Variants in ARHGAP6 observed in about 807,000 individuals in gnomAD.
The protein encoded by ARHGAP6 is rho GTPase-activating protein 6.
Under a neutral mutation model 55.7 loss-of-function variants are expected in ARHGAP6, and 16 were observed. The ratio of observed to expected loss-of-function variants is 0.29; its 90% CI spans 0.19 to 0.44. The LOEUF (loss-of-function observed/expected upper bound fraction) is 0.44. Among genes scored for constraint, ARHGAP6 ranks in the 20% least tolerant of loss-of-function variants. ARHGAP6 has a pLI of 1.00. For missense variants in ARHGAP6, 698 were observed against 808.9 expected, an observed-to-expected ratio of 0.86 and a Z score of 1.66; for synonymous variants, 382 against 360.9, an observed-to-expected ratio of 1.06 and a Z score of -0.66.
chrX:11,233,578 A>G lies in ARHGAP6; in HGVS notation c.748+20970T>C, dbSNP rs183946599. On this transcript the variant is annotated intron_variant, in intron 2 of 12. Transcript: ENST00000337414. The stretch of plus-strand genomic sequence containing the variant: ...GCTTGTTCATAGGAGTTGAGAGTGA[A>G]GAAAATTAATTCTTGTTGAACTGAT... Among the ~76,000 whole-genome samples the G allele has an allele frequency of 5.3e-5, 6 of 112,307 alleles. No homozygotes were observed. In the East Asian group the frequency reaches 1.7e-3, roughly 31 times the overall value.
intron 1 of ARHGAP6, chrX:11,296,806 T>C (rs1383332119): frequency 8.3e-7 from 1 of 1,211,265 alleles, no homozygotes; most frequent in East Asian, 3.0e-5. Flanking sequence ...GCACCCTGGT[T>C]ATATCAACTT....
intron 1 of ARHGAP6, among the ~76,000 whole-genome samples, chrX:11,323,405 C>A (rs1028797892): frequency 4.5e-5 from 5 of 111,817 alleles, no homozygotes; most frequent in Non-Finnish European, 9.4e-5. Flanking sequence ...TGAAAAGAGC[C>A]CCTGTCAGGG....
At chrX:11,570,651 C>T (rs1459510440) in intron 1 of ARHGAP6, among the ~76,000 whole-genome samples, 1 of 111,321 alleles carries the variant, frequency 9.0e-6, no homozygotes, top group Non-Finnish European at 1.9e-5. Context: ...TAGACTTGAT[C>T]CAGATCTGTT....
intron 1 of ARHGAP6, among the ~76,000 whole-genome samples, chrX:11,575,547 G>A (rs1265727214): frequency 1.8e-5 from 2 of 111,378 alleles, no homozygotes; most frequent in Non-Finnish European, 3.8e-5. Flanking sequence ...TCATGTGGCA[G>A]CAAAAAAACT....
At chrX:11,537,398 T>A (rs1391283707) in intron 1 of ARHGAP6, among the ~76,000 whole-genome samples, 1 of 111,959 alleles carries the variant, frequency 8.9e-6, no homozygotes, top group Non-Finnish European at 1.9e-5. Context: ...AGAATTACCC[T>A]GCCCAAAATG....
intron 1 of ARHGAP6, among the ~76,000 whole-genome samples, chrX:11,456,159 C>T (rs1387929438): frequency 9.0e-6 from 1 of 111,457 alleles, no homozygotes; most frequent in African/African-American, 3.3e-5. Context: ...TCAAAATATG[C>T]AATATTTTAT....
intron 1 of ARHGAP6, among the ~76,000 whole-genome samples, chrX:11,506,962 T>G (rs2050740877): frequency 8.9e-6 from 1 of 112,099 alleles, no homozygotes; most frequent in Non-Finnish European, 1.9e-5. Flanking sequence ...TCATTGCGGT[T>G]TTGATTTGCA....
intron 10 of ARHGAP6, among the ~76,000 whole-genome samples, chrX:11,152,319 CAT>C (rs771434719): frequency 1.2e-3 from 132 of 112,392 alleles, no homozygotes; most frequent in African/African-American, 3.9e-3. Flanking sequence ...ACTACACAAA[CAT>C]GTGTTACTGA....
chrX:11,191,087 T>A (rs1232267186), intron 3 of ARHGAP6, among the ~76,000 whole-genome samples: 1 of 112,885 alleles, frequency 8.9e-6, no homozygotes, highest in African/African-American at 3.2e-5. Context: ...AAAAAAATTA[T>A]CCTAATACTC....
intron 5 of ARHGAP6, among the ~76,000 whole-genome samples, chrX:11,182,441 A>G (rs2046326229): frequency 9.0e-6 from 1 of 111,598 alleles, no homozygotes; most frequent in Non-Finnish European, 1.9e-5. Flanking sequence ...CACACATTTT[A>G]TAGGGATTCT....
chrX:11,231,034 C>T (rs752965058), intron 2 of ARHGAP6, among the ~76,000 whole-genome samples: 1 of 111,137 alleles, frequency 9.0e-6, no homozygotes, highest in South Asian at 3.8e-4. Flanking sequence ...TGCTATAGCC[C>T]CTGTTTTATT....
At chrX:11,584,211 C>T (rs752438918) in intron 1 of ARHGAP6, among the ~76,000 whole-genome samples, 6 of 111,698 alleles carry the variant, frequency 5.4e-5, no homozygotes, top group South Asian at 7.4e-4. Flanking sequence ...AAATATATTT[C>T]GCCCAGATAA....
intron 1 of ARHGAP6, among the ~76,000 whole-genome samples, chrX:11,257,960 G>A (rs1056799212): frequency 4.5e-5 from 5 of 111,296 alleles, no homozygotes; most frequent in African/African-American, 1.6e-4. Context: ...TGAGAAAACA[G>A]GCTTGTTCAG....
At chrX:11,661,371 T>C (rs2052701703) in intron 1 of ARHGAP6, among the ~76,000 whole-genome samples, 2 of 112,646 alleles carry the variant, frequency 1.8e-5, no homozygotes, top group Non-Finnish European at 3.7e-5. Flanking sequence ...GTTAAAGCAA[T>C]CCTGAAACAC....
chrX:11,410,181 T>C (rs1037773154), intron 1 of ARHGAP6, among the ~76,000 whole-genome samples: 3 of 112,130 alleles, frequency 2.7e-5, no homozygotes, highest in African/African-American at 9.7e-5. Flanking sequence ...CAGAAGTCCA[T>C]AGCAGCATTA....
intron 1 of ARHGAP6, among the ~76,000 whole-genome samples, chrX:11,281,709 C>A (rs978806791): frequency 1.5e-4 from 17 of 111,417 alleles, no homozygotes; most frequent in Admixed American, 5.7e-4. Flanking sequence ...TATATATTCT[C>A]AAATGGTTAT....
chrX:11,410,139 G>A (rs774701558), intron 1 of ARHGAP6, among the ~76,000 whole-genome samples: 5 of 112,027 alleles, frequency 4.5e-5, no homozygotes, highest in Non-Finnish European at 9.4e-5. Context: ...CCCACGAGAA[G>A]TGAAAGCATA....
At chrX:11,268,024 T>G (rs1413842966) in intron 1 of ARHGAP6, among the ~76,000 whole-genome samples, 2 of 112,036 alleles carry the variant, frequency 1.8e-5, no homozygotes, top group African/African-American at 6.5e-5. Flanking sequence ...AATGGTCATT[T>G]TTTTCCCATT....
chrX:11,394,266 A>C (rs1432530936), intron 1 of ARHGAP6, among the ~76,000 whole-genome samples: 3 of 112,135 alleles, frequency 2.7e-5, no homozygotes. Flanking sequence ...GAGTGAAAGA[A>C]GTCAATCACA....
Sources: allele counts gnomAD v4.1 joint callset (sites outside exome capture counted in the v4.1 genomes callset), GRCh38; gene constraint gnomAD v4.1.1; transcripts MANE v1.5; gene names NCBI Gene and HGNC (gene_info 2026-07-23, HGNC 2026-07-21).